CADM1: variants seen among roughly 807,000 people sequenced by gnomAD.
CADM1 encodes cell adhesion molecule 1.
CADM1 carries 15 observed loss-of-function variants against 53.1 expected under a neutral mutation model. That is an observed-to-expected ratio of 0.28 (90% CI 0.19 to 0.44). The LOEUF (loss-of-function observed/expected upper bound fraction) is 0.44, where lower values mean the gene tolerates loss of function less well. Among genes scored for constraint, CADM1 ranks in the 20% least tolerant of loss-of-function variants. The pLI is 1.00. For missense variants in CADM1, 434 were observed against 611.3 expected, an observed-to-expected ratio of 0.71 and a Z score of 3.06; for synonymous variants, 281 against 243.0, an observed-to-expected ratio of 1.16 and a Z score of -1.45.
rs533773808 is a variant in CADM1 at position 115,347,976 on chromosome 11, C to T, written c.125-107556G>A. On this transcript the variant is annotated intron_variant, in intron 1 of 11. Transcript: ENST00000331581. ...AATAAGGCGAACATATGATATAATG[C>T]TCTACTTCCTTTTACACAATTTCAT... Among the ~76,000 whole-genome samples the T allele has an allele frequency of 7.5e-4, 114 of 152,268 alleles. 1 individual carries two copies. The South Asian group carries it at 7.9e-3, about 11-fold the overall frequency.
intron 1 of CADM1, among the ~76,000 whole-genome samples, chr11:115,498,540 C>T (rs1224738098): frequency 6.6e-6 from 1 of 152,218 alleles, no homozygotes; most frequent in Non-Finnish European, 1.5e-5. Flanking sequence ...GCTACAATTA[C>T]TGCATATTTA....
intron 1 of CADM1, among the ~76,000 whole-genome samples, chr11:115,358,792 T>C (rs10891840): frequency 0.31 from 47,786 of 152,068 alleles, 8,827 homozygotes; most frequent in Non-Finnish European, 0.43. Flanking sequence ...TCCACCTAAA[T>C]TCATCCCTGT....
intron 1 of CADM1, among the ~76,000 whole-genome samples, chr11:115,284,995 C>A (rs1044417146): frequency 7.9e-5 from 12 of 152,180 alleles, no homozygotes; most frequent in Middle Eastern, 3.2e-3. Context: ...GAAGCATTCA[C>A]CCTCAGCCTC....
rs220851 is a variant in CADM1 at position 115,374,674 on chromosome 11, C to A, written c.124+129597G>T. Among the ~76,000 whole-genome samples the A allele has an allele frequency of 7.2e-5, 11 of 152,072 alleles. No individual in the cohort carries two copies. In the East Asian group the frequency reaches 7.7e-4, roughly 11 times the overall value. The stretch of plus-strand genomic sequence containing the variant: ...CCATACCCCAAAAAAGAAAAGTAAG[C>A]CTGAATCTCATAGACTTATTTGACT... On this transcript the variant is annotated intron_variant, in intron 1 of 11. Coordinates refer to ENST00000331581, the MANE Select transcript of CADM1 (RefSeq NM_001301043.2).
At chr11:115,192,503 A>C (rs1187126960) in intron 9 of CADM1, among the ~76,000 whole-genome samples, 2 of 152,226 alleles carry the variant, frequency 1.3e-5, no homozygotes, top group East Asian at 3.8e-4. Flanking sequence ...TTGTATAAAG[A>C]CTGATGAATA....
chr11:115,487,034 T>G (rs1313730070), intron 1 of CADM1, among the ~76,000 whole-genome samples: 1 of 152,236 alleles, frequency 6.6e-6, no homozygotes, highest in Non-Finnish European at 1.5e-5. Context: ...AAATAAGTAT[T>G]CTTTGTTACT....
chr11:115,300,335 C>T (rs1347349404), intron 1 of CADM1, among the ~76,000 whole-genome samples: 1 of 152,040 alleles, frequency 6.6e-6, no homozygotes, highest in Non-Finnish European at 1.5e-5. Flanking sequence ...GGCTTTTAGG[C>T]TTTAAATACA....
chr11:115,214,702 G>A lies in CADM1; in HGVS notation c.900C>T (p.Ile300=). 1 of 1,613,976 alleles carries A rather than the reference G, an allele frequency of 6.2e-7. No homozygotes were observed. The highest frequency in any genetic ancestry group is 8.5e-7 in the Non-Finnish European group (1 of 1,179,912). Residue 300 remains isoleucine (I), a synonymous_variant, in exon 7 of 12, where the codon ATC becomes ATT. Coordinates refer to ENST00000331581, the MANE Select transcript of CADM1 (RefSeq NM_001301043.2). The part of the protein sequence containing the change: ...HAVLSGPNLF[I]NNLNKTDNGT... ...CATTATCTGTTTTGTTTAGGTTATT[G>A]ATGAACAGGTTGGGCCCAGACAGTA...
At chr11:115,212,388 A>G (rs913980409) in intron 7 of CADM1, among the ~76,000 whole-genome samples, 1 of 152,206 alleles carries the variant, frequency 6.6e-6, no homozygotes, top group Non-Finnish European at 1.5e-5. Context: ...TAGACTAGTA[A>G]TACCTTAGGC....
chr11:115,355,365 A>G (rs2135073865), intron 1 of CADM1, among the ~76,000 whole-genome samples: 1 of 152,232 alleles, frequency 6.6e-6, no homozygotes, highest in East Asian at 1.9e-4. Context: ...GGAACAGAAA[A>G]ACCAAATACT....
At chr11:115,239,406 C>A (rs1335638549) in intron 2 of CADM1, among the ~76,000 whole-genome samples, 1 of 152,140 alleles carries the variant, frequency 6.6e-6, no homozygotes, top group Non-Finnish European at 1.5e-5. Flanking sequence ...AAGCATTAAG[C>A]AGGAAATCAA....
chr11:115,470,393 A>G (rs1948986695), intron 1 of CADM1, among the ~76,000 whole-genome samples: 1 of 152,254 alleles, frequency 6.6e-6, no homozygotes, highest in Admixed American at 6.5e-5. Flanking sequence ...TGTGTCAAAA[A>G]GCCCATTTAA....
chr11:115,203,341 G>C (rs1475576450), intron 8 of CADM1, among the ~76,000 whole-genome samples: 1 of 152,098 alleles, frequency 6.6e-6, no homozygotes, highest in Admixed American at 6.5e-5. Flanking sequence ...TCAGTGGAAG[G>C]GGGTACAGAA....
At chr11:115,201,319 A>G (rs1271734063) in intron 8 of CADM1, among the ~76,000 whole-genome samples, 1 of 152,204 alleles carries the variant, frequency 6.6e-6, no homozygotes, top group African/African-American at 2.4e-5. Flanking sequence ...CTACTTGAAC[A>G]GAGGTTATTT....
chr11:115,277,906 C>G (rs1943486281), intron 1 of CADM1, among the ~76,000 whole-genome samples: 1 of 152,138 alleles, frequency 6.6e-6, no homozygotes, highest in African/African-American at 2.4e-5. Context: ...ACTCCTTTCT[C>G]TACTGCTTGC....
intron 1 of CADM1, among the ~76,000 whole-genome samples, chr11:115,501,910 T>C (rs904939856): frequency 6.6e-6 from 1 of 152,030 alleles, no homozygotes; most frequent in Non-Finnish European, 1.5e-5. Flanking sequence ...ACGAAATATA[T>C]ATATATGCAT....
intron 1 of CADM1, among the ~76,000 whole-genome samples, chr11:115,415,219 A>C (rs1947563162): frequency 6.6e-6 from 1 of 152,354 alleles, no homozygotes; most frequent in African/African-American, 2.4e-5. Context: ...GAGATAACAC[A>C]TGAGAGCAAA....
At position 115,190,708 on chromosome 11, in the gene CADM1, C is replaced by T. The variant is rs180699887; in HGVS notation, c.1165+180G>A. On this transcript the variant is annotated intron_variant, in intron 10 of 11. Coordinates refer to ENST00000331581, the MANE Select transcript of CADM1 (RefSeq NM_001301043.2). ...CCATTCCGAAATATAAATATCGCTA[C>T]CACAGAGAAAACAGGTGAGTGGGTG... is the stretch of plus-strand genomic sequence containing the variant. The T allele has an allele frequency of 1.2e-5, 7 of 573,484 alleles. No homozygotes were observed. In the East Asian group the frequency reaches 1.7e-4, roughly 14 times the overall value. 35.5% of individuals were successfully genotyped at this position (573,484 alleles called of 1,614,324 possible).
At chr11:115,278,380 G>A (rs1378786701) in intron 1 of CADM1, among the ~76,000 whole-genome samples, 2 of 152,156 alleles carry the variant, frequency 1.3e-5, no homozygotes, top group African/African-American at 4.8e-5. Flanking sequence ...GATTTAGTAG[G>A]ATAGATAAGA....
Sources: allele counts gnomAD v4.1 joint callset (sites outside exome capture counted in the v4.1 genomes callset), GRCh38; gene constraint gnomAD v4.1.1; transcripts MANE v1.5; gene names NCBI Gene and HGNC (gene_info 2026-07-23, HGNC 2026-07-21).